The following TTLL7 variants were observed in gnomAD, a reference collection of about 807,000 sequenced individuals.
The protein encoded by TTLL7 is tubulin tyrosine ligase like 7.
TTLL7 carries 53 observed loss-of-function variants against 120.2 expected under a neutral mutation model. The ratio of observed to expected loss-of-function variants is 0.44; its 90% CI spans 0.35 to 0.55. The LOEUF (loss-of-function observed/expected upper bound fraction) is 0.55. Among genes scored for constraint, TTLL7 ranks in the 20% least tolerant of loss-of-function variants. TTLL7 has a pLI of 0.00. For missense variants in TTLL7, 803 were observed against 1,054.7 expected, an observed-to-expected ratio of 0.76 and a Z score of 3.31; for synonymous variants, 353 against 351.7, an observed-to-expected ratio of 1.00 and a Z score of -0.04.
intron 18 of TTLL7, among the ~76,000 whole-genome samples, chr1:83,892,310 ATATATATGAATATATATG>A (rs200102655): frequency 0.043 from 2,183 of 50,748 alleles, 310 homozygotes; most frequent in Non-Finnish European, 0.057. Context: ...ATATATACGA[ATATATATGAATATATATG>A]TATATATGAA....
At chr1:83,962,282 A>C (rs1489436801) in intron 1 of TTLL7, among the ~76,000 whole-genome samples, 1 of 152,136 alleles carries the variant, frequency 6.6e-6, no homozygotes, top group Non-Finnish European at 1.5e-5. Flanking sequence ...GGTAAAGGGT[A>C]TCACTAATAG....
chr1:83,921,385 G>A lies in TTLL7; in HGVS notation c.1152C>T (p.Asp384=), dbSNP rs1658649472. ...ALKLLNIRTS[D]KRRNLAKQKA... is the part of the protein sequence containing the mutation. ...TTTGTTTGGCCAAGTTTCTTCTTTT[G>A]TCACTGGTCCTAAAATATAAAACAT... Residue 384 remains aspartate, a synonymous_variant, in exon 11 of 21, where the codon GAC becomes GAT. Coordinates refer to ENST00000260505, the MANE Select transcript of TTLL7 (RefSeq NM_024686.6). 1 of 1,610,732 alleles carries A rather than the reference G, an allele frequency of 6.2e-7. No homozygotes were observed. Among genetic ancestry groups the A allele is most frequent in the Admixed American group, 1.7e-5 (1 of 59,676 alleles).
intron 19 of TTLL7, chr1:83,885,008 A>C (rs949869759): frequency 4.1e-5 from 9 of 221,118 alleles, no homozygotes; most frequent in African/African-American, 2.1e-4. Flanking sequence ...AATGGAAGAA[A>C]AACTAGATAT....
At chr1:83,990,997 G>A (rs138447332) in intron 1 of TTLL7, among the ~76,000 whole-genome samples, 210 of 152,254 alleles carry the variant, frequency 1.4e-3, no homozygotes, top group African/African-American at 4.8e-3. Context: ...TACTTATAAC[G>A]GAATAGTATT....
intron 18 of TTLL7, among the ~76,000 whole-genome samples, 155 bp downstream of exon 18, chr1:83,903,924 A>G (rs763429466): frequency 3.3e-5 from 5 of 152,106 alleles, no homozygotes; most frequent in Non-Finnish European, 4.4e-5. Context: ...AGAACCTAGA[A>G]GAGTGCCTGA....
intron 20 of TTLL7, chr1:83,879,981 A>C (rs1001385827): frequency 2.6e-5 from 4 of 152,188 alleles, no homozygotes; most frequent in Non-Finnish European, 5.9e-5. Flanking sequence ...TAGTTTATGA[A>C]ATCTAGAATT....
intron 10 of TTLL7, among the ~76,000 whole-genome samples, chr1:83,926,951 T>A (rs943351193): frequency 1.3e-5 from 2 of 152,200 alleles, no homozygotes; most frequent in Non-Finnish European, 2.9e-5. Context: ...TTGTTCTACA[T>A]ATAACCCTTT....
chr1:83,984,606 GATT>G (rs1464312372), intron 1 of TTLL7, among the ~76,000 whole-genome samples: 1 of 152,206 alleles, frequency 6.6e-6, no homozygotes, highest in African/African-American at 2.4e-5. Context: ...AAAAGAATGA[GATT>G]ATATCTTTTG....
chr1:83,925,853 G>A lies in TTLL7; in HGVS notation c.1142+3283C>T, dbSNP rs1659060913. On this transcript the variant is annotated intron_variant, in intron 10 of 20. Coordinates refer to ENST00000260505, the MANE Select transcript of TTLL7 (RefSeq NM_024686.6). ...AAATGTCCAGTAGGCTGGGCACAGT[G>A]GCTTACACCTGTAATCTCAGCACTT... Among the ~76,000 whole-genome samples, 3 of 152,082 alleles carry A rather than the reference G, an allele frequency of 2.0e-5. 1 individual carries two copies. In the South Asian group the frequency reaches 6.2e-4, roughly 32 times the overall value.
intron 19 of TTLL7, among the ~76,000 whole-genome samples, chr1:83,885,563 T>C (rs2100715657): frequency 6.6e-6 from 1 of 152,186 alleles, no homozygotes; most frequent in African/African-American, 2.4e-5. Context: ...TTAGTTCTGG[T>C]GTGTATATTT....
At chr1:83,945,713 A>G (rs1256497069) in intron 6 of TTLL7, among the ~76,000 whole-genome samples, 1 of 152,034 alleles carries the variant, frequency 6.6e-6, no homozygotes, top group Non-Finnish European at 1.5e-5. Flanking sequence ...AAAATAAATT[A>G]AAAGATTATG....
At chr1:83,918,686 T>C (rs1658395753) in intron 13 of TTLL7, among the ~76,000 whole-genome samples, 1 of 152,174 alleles carries the variant, frequency 6.6e-6, no homozygotes, top group South Asian at 2.1e-4. Context: ...ACTTTCATCA[T>C]AACAGCCAGA....
intron 18 of TTLL7, among the ~76,000 whole-genome samples, chr1:83,893,588 G>A (rs1571094181): frequency 6.6e-6 from 1 of 152,072 alleles, no homozygotes; most frequent in African/African-American, 2.4e-5. Context: ...ATTGGAAGCA[G>A]ATGAAAGAAT....
At chr1:83,958,109 T>C (rs1051443387) in intron 1 of TTLL7, among the ~76,000 whole-genome samples, 34 of 152,138 alleles carry the variant, frequency 2.2e-4, no homozygotes, top group African/African-American at 8.2e-4. Context: ...GTTGATATCA[T>C]CACTTATGTA....
At chr1:83,894,970 AACTCT>A (rs1656088285) in intron 18 of TTLL7, among the ~76,000 whole-genome samples, 1 of 152,004 alleles carries the variant, frequency 6.6e-6, no homozygotes, top group African/African-American at 2.4e-5. Flanking sequence ...CAAATCCTTC[AACTCT>A]CCTCTGAGTC....
chr1:83,934,559 GAGAAA>G lies in TTLL7; in HGVS notation c.889-798_889-794del, dbSNP rs1647230249. Reference sequence around the variant, plus strand: ...AAGACTGGCTCTCAATATTTTCTGAGAGAAAACACATAATACTACTAGGGTGAGTT... The same window carrying G: ...AAGACTGGCTCTCAATATTTTCTGAGACACATAATACTACTAGGGTGAGTT... On this transcript the variant is annotated intron_variant, in intron 8 of 20. Coordinates refer to ENST00000260505, the MANE Select transcript of TTLL7 (RefSeq NM_024686.6). 2.6e-5 allele frequency among the ~76,000 whole-genome samples: 4 copies of G among 152,264 alleles called. No individual in the cohort carries two copies. The East Asian group carries it at 7.7e-4, about 29-fold the overall frequency.
intron 1 of TTLL7, among the ~76,000 whole-genome samples, chr1:83,974,913 T>A (rs1651322127): frequency 6.6e-6 from 1 of 152,032 alleles, no homozygotes; most frequent in Non-Finnish European, 1.5e-5. Context: ...ACTGAAATAG[T>A]TACATATGTA....
At chr1:83,970,956 G>A (rs962752123) in intron 1 of TTLL7, among the ~76,000 whole-genome samples, 1 of 152,000 alleles carries the variant, frequency 6.6e-6, no homozygotes, top group Non-Finnish European at 1.5e-5. Context: ...GCTGCTGTGG[G>A]TGTGAGGGTG....
intron 20 of TTLL7, among the ~76,000 whole-genome samples, chr1:83,877,571 T>G (rs765542071): frequency 5.3e-5 from 8 of 151,970 alleles, no homozygotes; most frequent in Non-Finnish European, 1.0e-4. Context: ...GTAGTATGTG[T>G]TTTTCTAGGA....
Sources: allele counts gnomAD v4.1 joint callset (sites outside exome capture counted in the v4.1 genomes callset), GRCh38; gene constraint gnomAD v4.1.1; transcripts MANE v1.5; gene names NCBI Gene and HGNC (gene_info 2026-07-23, HGNC 2026-07-21).